The following CHRM3 variants were observed in gnomAD, a reference collection of about 807,000 sequenced individuals.
The protein encoded by CHRM3 is muscarinic acetylcholine receptor M3.
Under a neutral mutation model 41.8 loss-of-function variants are expected in CHRM3, and 11 were observed. The ratio of observed to expected loss-of-function variants is 0.26; its 90% CI spans 0.17 to 0.44. The LOEUF (loss-of-function observed/expected upper bound fraction) is 0.44. Ranked by LOEUF, CHRM3 falls within the 20% of genes least tolerant of loss-of-function variation. The pLI, the probability that CHRM3 is intolerant of heterozygous loss-of-function variation, is 1.00. For synonymous variants in CHRM3, 297 were observed against 301.4 expected (o/e 0.99, Z 0.15); for missense variants, 571 against 745.4 (o/e 0.77, Z 2.72).
chr1:239,448,243 A>T (rs1158604250), intron 1 of CHRM3, among the ~76,000 whole-genome samples: 1 of 152,228 alleles, frequency 6.6e-6, no homozygotes, highest in Non-Finnish European at 1.5e-5. Context: ...TGCTGAATAA[A>T]TGTTTCTTTT....
At chr1:239,892,143 T>G (rs1427350017) in intron 6 of CHRM3, among the ~76,000 whole-genome samples, 1 of 152,242 alleles carries the variant, frequency 6.6e-6, no homozygotes, top group Non-Finnish European at 1.5e-5. Flanking sequence ...TGGTTCAACT[T>G]TATTCCTTTG....
At chr1:239,524,918 C>T (rs1433864183) in intron 2 of CHRM3, among the ~76,000 whole-genome samples, 2 of 151,822 alleles carry the variant, frequency 1.3e-5, no homozygotes, top group Non-Finnish European at 2.9e-5. Flanking sequence ...AAAAATTCTT[C>T]ATTTTTGTAA....
chr1:239,809,674 T>C (rs1347553107), intron 5 of CHRM3, among the ~76,000 whole-genome samples: 4 of 152,048 alleles, frequency 2.6e-5, no homozygotes, highest in Non-Finnish European at 5.9e-5. Flanking sequence ...ATTTTTAATT[T>C]TTTTTGTACA....
intron 6 of CHRM3, among the ~76,000 whole-genome samples, chr1:239,848,339 T>A (rs1369594248): frequency 3.3e-5 from 5 of 152,198 alleles, no homozygotes; most frequent in African/African-American, 1.2e-4. Flanking sequence ...CAGTCTTTTG[T>A]TCTGATAGGT....
At position 239,412,862 on chromosome 1, in the gene CHRM3, C is replaced by T. The variant is rs146071031; in HGVS notation, c.-521+25635C>T. On this transcript the variant is annotated intron_variant, in intron 1 of 6. Coordinates refer to ENST00000676153, the MANE Select transcript of CHRM3 (RefSeq NM_001375978.1). ...TTGGGAGGTCGAGGCGGGCAGATTA[C>T]GAGGTCAAGAGATGGAGACCAGCCT... Among the ~76,000 whole-genome samples, 703 of 151,818 alleles carry T rather than the reference C, an allele frequency of 4.6e-3. 5 individuals carry two copies. The highest frequency in any genetic ancestry group is 0.016 in the African/African-American group (646 of 41,402).
Position 239,604,606 on chromosome 1 carries a change from C to T in CHRM3, c.-312-27618C>T, listed in dbSNP as rs888850660. On this transcript the variant is annotated intron_variant, in intron 3 of 6. Coordinates refer to ENST00000676153, the MANE Select transcript of CHRM3 (RefSeq NM_001375978.1). ...AGTGTGTTGGGTGGCAACTGCCCTC[C>T]GTAATGGACAGACCCTGGATCTCTA... Among the ~76,000 whole-genome samples the T allele has an allele frequency of 3.3e-5, 5 of 152,140 alleles. 1 individual carries two copies. The highest frequency in any genetic ancestry group is 1.2e-4 in the African/African-American group (5 of 41,442).
intron 5 of CHRM3, among the ~76,000 whole-genome samples, chr1:239,711,398 A>C (rs1343260169): frequency 1.3e-5 from 2 of 152,212 alleles, no homozygotes; most frequent in African/African-American, 2.4e-5. Flanking sequence ...CATGTGGTTC[A>C]ATAATGCTTG....
chr1:239,841,929 C>T (rs1673830031), intron 6 of CHRM3, among the ~76,000 whole-genome samples: 1 of 152,090 alleles, frequency 6.6e-6, no homozygotes, highest in African/African-American at 2.4e-5. Flanking sequence ...TGGAAAGAAA[C>T]TTAGAATTCA....
chr1:239,589,606 T>G (rs1189089604), intron 3 of CHRM3, among the ~76,000 whole-genome samples: 1 of 143,480 alleles, frequency 7.0e-6, no homozygotes, highest in African/African-American at 2.5e-5. Flanking sequence ...CCTATATATA[T>G]TTATGTAATT....
At chr1:239,417,633 G>A (rs1661608434) in intron 1 of CHRM3, among the ~76,000 whole-genome samples, 1 of 136,590 alleles carries the variant, frequency 7.3e-6, no homozygotes, top group Non-Finnish European at 1.5e-5. Flanking sequence ...ATATGTATAC[G>A]GATTTAGAGT....
intron 5 of CHRM3, among the ~76,000 whole-genome samples, chr1:239,772,215 A>G (rs1200889234): frequency 6.6e-6 from 1 of 152,128 alleles, no homozygotes; most frequent in Non-Finnish European, 1.5e-5. Flanking sequence ...CAATGGCGCA[A>G]TCTCAGCTCA....
intron 3 of CHRM3, among the ~76,000 whole-genome samples, chr1:239,547,317 G>T (rs10802774): frequency 0.65 from 98,200 of 152,072 alleles, 37,497 homozygotes; most frequent in Non-Finnish European, 0.83. Context: ...GCTTTAGTTT[G>T]CACATTTGTA....
At chr1:239,750,465 A>G (rs534293146) in intron 5 of CHRM3, among the ~76,000 whole-genome samples, 1 of 152,270 alleles carries the variant, frequency 6.6e-6, no homozygotes, top group Non-Finnish European at 1.5e-5. Context: ...TCCGAATACC[A>G]TTTTCATCTG....
At chr1:239,816,060 C>T (rs1369550424) in intron 5 of CHRM3, among the ~76,000 whole-genome samples, 1 of 152,074 alleles carries the variant, frequency 6.6e-6, no homozygotes, top group Non-Finnish European at 1.5e-5. Flanking sequence ...AACAGACTTC[C>T]ATGCCAGCTT....
intron 3 of CHRM3, among the ~76,000 whole-genome samples, chr1:239,615,118 G>A (rs953696483): frequency 3.3e-5 from 5 of 152,160 alleles, no homozygotes; most frequent in African/African-American, 1.2e-4. Context: ...AAGCATATTA[G>A]TGCTAGCCAC....
At position 239,712,086 on chromosome 1, in the gene CHRM3, A is replaced by C. The variant is rs1055296416; in HGVS notation, c.-147+33798A>C. Among the ~76,000 whole-genome samples, 16 of 152,184 alleles carry C rather than the reference A, an allele frequency of 1.1e-4. 1 individual carries two copies. The highest frequency in any genetic ancestry group is 8.8e-5 in the Non-Finnish European group (6 of 68,036). On this transcript the variant is annotated intron_variant, in intron 5 of 6. Coordinates refer to ENST00000676153, the MANE Select transcript of CHRM3 (RefSeq NM_001375978.1). ...AACCCTCCCTTTAAGATAAACTGTC[A>C]GACTACCCAAAAAGAGAAGGTTATT...
At chr1:239,437,842 G>T (rs1221611887) in intron 1 of CHRM3, among the ~76,000 whole-genome samples, 1 of 152,174 alleles carries the variant, frequency 6.6e-6, no homozygotes, top group East Asian at 1.9e-4. Context: ...TTCCTAGGTG[G>T]TACTAAAAGG....
At chr1:239,891,705 C>T (rs1572610888) in intron 6 of CHRM3, among the ~76,000 whole-genome samples, 1 of 152,186 alleles carries the variant, frequency 6.6e-6, no homozygotes, top group African/African-American at 2.4e-5. Context: ...GGTTGAGTTT[C>T]CAGCCCTCTG....
At chr1:239,494,342 G>A (rs1156531255) in intron 2 of CHRM3, among the ~76,000 whole-genome samples, 1 of 152,074 alleles carries the variant, frequency 6.6e-6, no homozygotes, top group East Asian at 1.9e-4. Flanking sequence ...ACCAAATCCT[G>A]TTTTGGTCAG....
Sources: allele counts gnomAD v4.1 joint callset (sites outside exome capture counted in the v4.1 genomes callset), GRCh38; gene constraint gnomAD v4.1.1; transcripts MANE v1.5; gene names NCBI Gene and HGNC (gene_info 2026-07-23, HGNC 2026-07-21).